Variants in CLK4 observed in about 807,000 individuals in gnomAD.
The protein encoded by CLK4 is CDC like kinase 4, also known as dual specificity protein kinase CLK4.
A neutral mutation model predicts 64.4 loss-of-function variants in CLK4; 37 were observed. The ratio of observed to expected loss-of-function variants is 0.57; its 90% CI spans 0.44 to 0.76. CLK4 has a LOEUF of 0.76. Ranked by LOEUF, CLK4 falls within the 30% of genes least tolerant of loss-of-function variation. The pLI is 0.00. For missense variants in CLK4, 457 were observed against 605.1 expected, an observed-to-expected ratio of 0.76 and a Z score of 2.57; for synonymous variants, 175 against 191.6, an observed-to-expected ratio of 0.91 and a Z score of 0.72.
chr5:178,612,551 G>A lies in CLK4; in HGVS notation c.922-6C>T. ...AGTGTGCGTTCATCACGTTTCTAGA[G>A]AGACACAGTTGAGTAAACATGAAAC... On this transcript the variant is annotated splice_region_variant and splice_polypyrimidine_tract_variant and intron_variant, in intron 8 of 12. Transcript: ENST00000316308. The A allele has an allele frequency of 6.2e-7, 1 of 1,613,330 alleles. No homozygotes were observed.
At position 178,603,214 on chromosome 5, in the gene CLK4, A is replaced by C. The variant is rs1246575978; in HGVS notation, c.*403T>G. ...CCCGTTCAACAATTACAGAAGAAAA[A>C]CTTTTAAAGTTAAGTTCTAAATTTG... On this transcript the variant is annotated 3_prime_UTR_variant, in exon 13 of 13. Transcript: ENST00000316308. The C allele has an allele frequency of 6.5e-6, 1 of 152,974 alleles. No individual in the cohort carries two copies. The highest frequency in any genetic ancestry group is 2.4e-5 in the African/African-American group (1 of 41,464). The allele number at this position is 152,974 out of a possible 1,614,324, so 9.5% of individuals were successfully genotyped here.
chr5:178,610,715 G>A (rs1051304515), intron 9 of CLK4, among the ~76,000 whole-genome samples: 7 of 151,860 alleles, frequency 4.6e-5, no homozygotes, highest in Non-Finnish European at 8.8e-5. Flanking sequence ...CCAGGAGTTC[G>A]AGACCAGCCT....
At chr5:178,615,083 G>A (rs1267587485) in intron 5 of CLK4, among the ~76,000 whole-genome samples, 2 of 152,106 alleles carry the variant, frequency 1.3e-5, no homozygotes, top group African/African-American at 4.8e-5. Flanking sequence ...GTGACTACAG[G>A]CTCACACCTG....
chr5:178,613,228 T>G (rs2113806494), intron 7 of CLK4, among the ~76,000 whole-genome samples: 1 of 152,278 alleles, frequency 6.6e-6, no homozygotes, highest in Admixed American at 6.5e-5. Flanking sequence ...GAGACCATCC[T>G]GGCTAACACT....
chr5:178,605,129 CAA>C (rs10644053), intron 11 of CLK4, 172 bp downstream of exon 11: 1,314 of 198,458 alleles, frequency 6.6e-3, no homozygotes, highest in Non-Finnish European at 8.7e-3. Context: ...GACTCCATCT[CAA>C]AAAAAAAAAA....
At chr5:178,625,065 G>GCATT (rs60108917) in intron 1 of CLK4, among the ~76,000 whole-genome samples, 17,686 of 152,136 alleles carry the variant, frequency 0.12, 1,304 homozygotes, top group East Asian at 0.35. Context: ...ATGGAAGTGA[G>GCATT]CATTCCGGTT....
At chr5:178,615,299 C>T (rs1764612596) in intron 5 of CLK4, among the ~76,000 whole-genome samples, 1 of 152,094 alleles carries the variant, frequency 6.6e-6, no homozygotes, top group Non-Finnish European at 1.5e-5. Flanking sequence ...ATAAAGTCTG[C>T]AGATTAGTTG....
At position 178,603,413 on chromosome 5, in the gene CLK4, ATTAATT is replaced by A. The variant is rs1007311123; in HGVS notation, c.*198_*203del. ...AAAAATGGTAATTTCAAAAAGAAAAATTAATTTTAATTTTTCTAATGCATTATCAAG... is the reference window on the plus strand; with the variant it reads ...AAAAATGGTAATTTCAAAAAGAAAAATTAATTTTTCTAATGCATTATCAAG... On this transcript the variant is annotated 3_prime_UTR_variant, in exon 13 of 13. Transcript: ENST00000316308. 2.3e-5 allele frequency: 8 copies of A among 352,132 alleles called. No individual in the cohort carries two copies. The highest frequency in any genetic ancestry group is 1.3e-4 in the African/African-American group (6 of 47,442). The allele number at this position is 352,132 out of a possible 1,614,324, so 21.8% of individuals were successfully genotyped here. A position where few individuals can be genotyped will look rare whatever the true frequency, so the allele number is the denominator to read the frequency against.
chr5:178,609,865 C>T (rs1235744633), intron 9 of CLK4, among the ~76,000 whole-genome samples: 3 of 146,332 alleles, frequency 2.1e-5, no homozygotes, highest in Non-Finnish European at 3.0e-5. Flanking sequence ...GCTGAGATTG[C>T]ACCACTGCAC....
Position 178,623,266 on chromosome 5 carries a change from C to T in CLK4, c.151G>A (p.Glu51Lys), listed in dbSNP as rs1303687829. 3 of 1,613,462 alleles carry T rather than the reference C, an allele frequency of 1.9e-6. No individual in the cohort carries two copies. Among genetic ancestry groups the T allele is most frequent in the African/African-American group, 2.7e-5 (2 of 74,874 alleles). The change falls in exon 2 of 13, where the codon GAA (glutamate) becomes AAA (lysine). Residue 51 changes from glutamate (E) to lysine (K), a missense_variant. Glu to Lys is a moderately conservative substitution (Grantham distance 56). Coordinates refer to ENST00000316308, the MANE Select transcript of CLK4 (RefSeq NM_020666.3). ...RHCKPHHQFKESDCHYLEARS... is the reference protein window; with the variant it reads ...RHCKPHHQFKKSDCHYLEARS... ...CAAGAGTTAATTTACCAATCAGATT[C>T]TTTAAACTGGTGATGTGGTTTACAA...
At chr5:178,611,869 T>C (rs890281714) in intron 9 of CLK4, among the ~76,000 whole-genome samples, 6 of 152,158 alleles carry the variant, frequency 3.9e-5, no homozygotes, top group Non-Finnish European at 8.8e-5. Context: ...TTAACACACC[T>C]GATCTATAAC....
rs1261489632 is a variant in CLK4, at chr5:178,617,877, A to G, written c.385-443T>C. 6.6e-6 allele frequency: 1 copy of G among 152,470 alleles called. No homozygotes were observed. Among genetic ancestry groups the G allele is most frequent in the African/African-American group, 2.4e-5 (1 of 41,452 alleles). The allele number at this position is 152,470 out of a possible 1,614,324, so 9.4% of individuals were successfully genotyped here. A position where few individuals can be genotyped will look rare whatever the true frequency, so the allele number is the denominator to read the frequency against. The stretch of plus-strand genomic sequence containing the variant: ...TTCTAATTTAGCAATATTTTAAAAT[A>G]TACATGATTAAAATAAAAGGGGAAA... On this transcript the variant is annotated intron_variant, in intron 3 of 12. Coordinates refer to ENST00000316308, the MANE Select transcript of CLK4 (RefSeq NM_020666.3). This position sits in a 1 kb window ranked among gnomAD's most constrained non-coding sequence, Gnocchi z 5.2.
At chr5:178,609,479 G>A (rs747169700) in intron 9 of CLK4, among the ~76,000 whole-genome samples, 2 of 151,876 alleles carry the variant, frequency 1.3e-5, no homozygotes, top group Non-Finnish European at 2.9e-5. Context: ...TTGGCAGTTC[G>A]AGACCAGTCT....
intron 9 of CLK4, among the ~76,000 whole-genome samples, chr5:178,611,220 A>C (rs1764552249): frequency 6.6e-6 from 1 of 152,170 alleles, no homozygotes; most frequent in Non-Finnish European, 1.5e-5. Context: ...AAAATGAGGA[A>C]TCTATTGCCT....
intron 2 of CLK4, chr5:178,619,891 G>A (rs1357849502): frequency 3.7e-6 from 3 of 812,920 alleles, no homozygotes; most frequent in Non-Finnish European, 5.4e-6. Context: ...GGATGCACAT[G>A]GAGCACTGAG....
chr5:178,605,893 T>C (rs1275599430), intron 10 of CLK4: 1 of 152,244 alleles, frequency 6.6e-6, no homozygotes, highest in East Asian at 1.9e-4. Flanking sequence ...GTAAATATTT[T>C]AGGCTTGGCT....
At chr5:178,619,683 C>G in intron 2 of CLK4, 1 of 833,764 alleles carries the variant, frequency 1.2e-6, no homozygotes, top group South Asian at 1.9e-5. Context: ...AAGCCATGGA[C>G]TCTCTTTCCT....
chr5:178,613,442 A>C (rs1764585645), intron 7 of CLK4, 31 bp downstream of exon 7: 1 of 1,320,058 alleles, frequency 7.6e-7, no homozygotes, highest in African/African-American at 1.5e-5. Context: ...AAATAAATAA[A>C]TAAAAATAAA....
chr5:178,611,195 A>G (rs1413790782), intron 9 of CLK4, among the ~76,000 whole-genome samples: 2 of 152,270 alleles, frequency 1.3e-5, no homozygotes, highest in African/African-American at 2.4e-5. Flanking sequence ...ATATTTGGGG[A>G]AAAATCTGAT....
Sources: gnomAD v4.1 joint callset for allele counts (sites outside exome capture counted in the v4.1 genomes callset) on GRCh38, gnomAD v4.1.1 for gene constraint, Gnocchi (gnomAD v3.1) non-coding constraint, MANE v1.5 for transcripts, NCBI Gene and HGNC (gene_info 2026-07-23, HGNC 2026-07-21) for gene names.